The following SPEG variants were observed in gnomAD, a reference collection of about 807,000 sequenced individuals.
The protein encoded by SPEG is striated muscle enriched protein kinase, also known as striated muscle preferentially expressed protein kinase.
In SPEG, 114 loss-of-function variants were observed where a neutral mutation model predicts 300.4. That is an observed-to-expected ratio of 0.38 (90% CI 0.33 to 0.44). The LOEUF (loss-of-function observed/expected upper bound fraction) is 0.44, where lower values mean the gene tolerates loss of function less well. Ranked by LOEUF, SPEG falls within the 20% of genes least tolerant of loss-of-function variation. The probability of loss-of-function intolerance (pLI) is 1.00; values close to 1 mark genes in which losing one functional copy is unlikely to be tolerated. For missense variants in SPEG, 4,201 were observed against 4,586.2 expected (o/e 0.92, Z 2.43); for synonymous variants, 1,964 against 2,018.9 (o/e 0.97, Z 0.73).
Position 219,472,227 on chromosome 2 carries a change from A to T in SPEG, c.3836A>T (p.Asp1279Val), listed in dbSNP as rs1208864483. The T allele has an allele frequency of 2.5e-6, 4 of 1,613,350 alleles. No individual in the cohort carries two copies. Among genetic ancestry groups the T allele is most frequent in the Non-Finnish European group, 2.5e-6 (3 of 1,179,876 alleles). ...AACYAHLYVT[D>V]VVPGPPDGAP... ...CAGACATTCGAACTGCGGCTTTCAG[A>T]TGTGGTCCCAGGCCCTCCAGATGGC... Residue 1279 changes from aspartate to valine, a missense_variant and splice_region_variant, in exon 15 of 41, where the codon GAT becomes GTT. Asp to Val is a radical substitution (Grantham distance 152, BLOSUM62 -3). Coordinates refer to ENST00000312358, the MANE Select transcript of SPEG (RefSeq NM_005876.5).
Position 219,483,876 on chromosome 2 carries a change from C to T in SPEG, c.6413C>T (p.Pro2138Leu), listed in dbSNP as rs774848229. Residue 2138 changes from proline (P) to leucine (L), a missense_variant, in exon 30 of 41, where the codon CCC becomes CTC. Pro to Leu is a moderately conservative substitution (Grantham distance 98, BLOSUM62 -3). This residue lies in a region of SPEG where 1,578 missense variants were observed against 1,506.0 expected (regional missense o/e 1.05). Coordinates refer to ENST00000312358, the MANE Select transcript of SPEG (RefSeq NM_005876.5). ...AGCTTCTCCCAGGGTGAGGCGGAGC[C>T]CCGGGGCCGGCACCGCCGAGCGGGG... is the stretch of plus-strand genomic sequence containing the variant. ...SSSFSQGEAE[P>L]RGRHRRAGAP... is the part of the protein sequence containing the mutation. The T allele has an allele frequency of 2.5e-6, 4 of 1,597,480 alleles. No individual in the cohort carries two copies. The Admixed American group carries it at 5.1e-5, about 20-fold the overall frequency.
rs752399306 is a variant in SPEG at position 219,458,904 on chromosome 2, A to C, written c.2441-2978A>C. On this transcript the variant is annotated intron_variant, in intron 6 of 40. Coordinates refer to ENST00000312358, the MANE Select transcript of SPEG (RefSeq NM_005876.5). This position sits in a 1 kb window ranked among gnomAD's most constrained non-coding sequence, Gnocchi z 4.2. ...TCCTGATGTGAGTAGGTCAAGTAAC[A>C]TTCTGAGAAGCCCTGAAGCAAAGGG... Among the ~76,000 whole-genome samples, 1 of 152,232 alleles carries C rather than the reference A, an allele frequency of 6.6e-6. No individual in the cohort carries two copies. Among genetic ancestry groups the C allele is most frequent in the Non-Finnish European group, 1.5e-5 (1 of 68,044 alleles).
chr2:219,475,208 G>A (rs578247075), intron 18 of SPEG, among the ~76,000 whole-genome samples: 17 of 152,146 alleles, frequency 1.1e-4, no homozygotes, highest in Admixed American at 2.6e-4. Context: ...ATATGTAACC[G>A]CCACTCAGAA....
chr2:219,435,021 G>A lies in SPEG; in HGVS notation c.44G>A (p.Arg15Lys). The A allele has an allele frequency of 1.3e-6, 2 of 1,503,400 alleles. No individual in the cohort carries two copies. Among genetic ancestry groups the A allele is most frequent in the South Asian group, 1.2e-5 (1 of 81,774 alleles). The allele number at this position is 1,503,400 out of a possible 1,614,324, so 93.1% of individuals were successfully genotyped here. Reference sequence around the variant, plus strand: ...ACGCGAGGCGAGGATGCGGGCACGAGGGCACCCCCCAGCCCCGGAGTGCCC... The same window carrying A: ...ACGCGAGGCGAGGATGCGGGCACGAAGGCACCCCCCAGCCCCGGAGTGCCC... The part of the protein sequence containing the change: ...RGTRGEDAGT[R>K]APPSPGVPPK... Residue 15 changes from arginine (R) to lysine (K), a missense_variant, in exon 1 of 41, where the codon AGG (arginine) becomes AAG (lysine). Arg to Lys is a conservative substitution (Grantham distance 26, BLOSUM62 2). This residue lies in a region of SPEG where 1,258 missense variants were observed against 1,293.9 expected (regional missense o/e 0.97). Coordinates refer to ENST00000312358, the MANE Select transcript of SPEG (RefSeq NM_005876.5).
chr2:219,458,027 G>C lies in SPEG; in HGVS notation c.2441-3855G>C, dbSNP rs182621713. ...CTCATACTTCCTGCTTGCTCTTGTA[G>C]TCACTTGTGTATCTGGTTTGTCTTC... On this transcript the variant is annotated intron_variant, in intron 6 of 40. Coordinates refer to ENST00000312358, the MANE Select transcript of SPEG (RefSeq NM_005876.5). The surrounding 1 kb of genome is among the most constrained non-coding windows in gnomAD (Gnocchi z 4.2). Among the ~76,000 whole-genome samples the C allele has an allele frequency of 6.6e-6, 1 of 152,166 alleles. No homozygotes were observed. Among genetic ancestry groups the C allele is most frequent in the Non-Finnish European group, 1.5e-5 (1 of 68,024 alleles).
chr2:219,480,283 C>T lies in SPEG; in HGVS notation c.5342+143C>T. On this transcript the variant is annotated intron_variant, in intron 25 of 40. Transcript: ENST00000312358. The surrounding 1 kb of genome is among the most constrained non-coding windows in gnomAD (Gnocchi z 5.3). ...AGGCATTGTTTGCAGGGTCTCCTGC[C>T]CATGTTACTCCTTGCCCCTTGTGAG... is the stretch of plus-strand genomic sequence containing the variant. 1 of 867,204 alleles carries T rather than the reference C, an allele frequency of 1.2e-6. No individual in the cohort carries two copies. Among genetic ancestry groups the T allele is most frequent in the African/African-American group, 1.7e-5 (1 of 59,354 alleles). The allele number at this position is 867,204 out of a possible 1,614,324, so 53.7% of individuals were successfully genotyped here.
In SPEG at chr2:219,444,280, C is replaced by A. The variant is rs916149146; in HGVS notation, c.389-373C>A. 7.9e-5 allele frequency among the ~76,000 whole-genome samples: 12 copies of A among 152,258 alleles called. No individual in the cohort carries two copies. In the East Asian group the frequency reaches 1.9e-3, roughly 25 times the overall value. The stretch of plus-strand genomic sequence containing the variant: ...AACCCAGACTTTAGAGCCTTGGAAC[C>A]TAGGACCTGATGATTTTGGGGCTGC... On this transcript the variant is annotated intron_variant, in intron 1 of 40. Coordinates refer to ENST00000312358, the MANE Select transcript of SPEG (RefSeq NM_005876.5). The surrounding 1 kb of genome is among the most constrained non-coding windows in gnomAD (Gnocchi z 7.8).
intron 18 of SPEG, among the ~76,000 whole-genome samples, chr2:219,475,971 C>T (rs1692303113): frequency 1.3e-5 from 2 of 152,116 alleles, no homozygotes; most frequent in Admixed American, 6.5e-5. Context: ...CCCTGCCTTC[C>T]CAAGTGCCTG....
In SPEG at chr2:219,459,046, G is replaced by T. The variant is rs1690422778; in HGVS notation, c.2441-2836G>T. 6.6e-6 allele frequency among the ~76,000 whole-genome samples: 1 copy of T among 152,206 alleles called. No individual in the cohort carries two copies. Among genetic ancestry groups the T allele is most frequent in the African/African-American group, 2.4e-5 (1 of 41,450 alleles). On this transcript the variant is annotated intron_variant, in intron 6 of 40. Coordinates refer to ENST00000312358, the MANE Select transcript of SPEG (RefSeq NM_005876.5). This position sits in a 1 kb window ranked among gnomAD's most constrained non-coding sequence, Gnocchi z 4.9. ...TTGGGGTCGGTGGATGTGCTGGTCT[G>T]AGGAGAGGGAGTTCCCTGTGTGCTT...
Position 219,477,717 on chromosome 2 carries a change from C to T in SPEG, c.4758C>T (p.Val1586=), listed in dbSNP as rs771970554. 5 of 1,603,298 alleles carry T rather than the reference C, an allele frequency of 3.1e-6. No individual in the cohort carries two copies. Among genetic ancestry groups the T allele is most frequent in the African/African-American group, 1.3e-5 (1 of 74,686 alleles). Residue 1586 remains valine, a synonymous_variant, in exon 21 of 41, where the codon GTC becomes GTT. Coordinates refer to ENST00000312358, the MANE Select transcript of SPEG (RefSeq NM_005876.5). The surrounding 1 kb of genome is among the most constrained non-coding windows in gnomAD (Gnocchi z 6.4). ...SAQTAMEVEG[V]GEDEDHRGRR... Reference sequence around the variant, plus strand: ...AGACAGCTATGGAGGTCGAGGGGGTCGGGGAGGATGAGGACCATCGAGGAA... The same window carrying T: ...AGACAGCTATGGAGGTCGAGGGGGTTGGGGAGGATGAGGACCATCGAGGAA...
At chr2:219,485,678 C>T (rs1693347869) in intron 31 of SPEG, among the ~76,000 whole-genome samples, 1 of 152,202 alleles carries the variant, frequency 6.6e-6, no homozygotes, top group Non-Finnish European at 1.5e-5. Context: ...ACAAGCACTG[C>T]CTCATTCAAT....
intron 18 of SPEG, 36 bp from the exon 19 acceptor site, chr2:219,476,834 C>A (rs896741527): frequency 7.1e-6 from 11 of 1,548,024 alleles, no homozygotes; most frequent in Non-Finnish European, 8.9e-6. Context: ...AGCCCCTAGC[C>A]CCTTCTCTTC....
rs750554809 is a variant in SPEG, at chr2:219,485,373, G to T, written c.7637G>T (p.Arg2546Leu). The T allele has an allele frequency of 1.7e-5, 27 of 1,607,128 alleles. 1 individual carries two copies. The South Asian group carries it at 2.0e-4, about 12-fold the overall frequency. ...CCAGGGGAAAGCCGAAGCCGGCTCC[G>T]CTGGGGCTTCTCTCGGCCGCGGAAG... ...SAPGESRSRL[R>L]WGFSRPRKDK... The change falls in exon 31 of 41, where the codon CGC becomes CTC. Residue 2546 changes from arginine to leucine, a missense_variant. Transcript: ENST00000312358.
intron 10 of SPEG, among the ~76,000 whole-genome samples, chr2:219,467,942 T>C (rs1367634948): frequency 2.5e-4 from 38 of 152,230 alleles, no homozygotes; most frequent in Admixed American, 2.5e-3. Context: ...ATGCCAGCCA[T>C]TGTTACCACT....
At position 219,439,572 on chromosome 2, in the gene SPEG, C is replaced by T. The variant is rs923296712; in HGVS notation, c.388+4207C>T. On this transcript the variant is annotated intron_variant, in intron 1 of 40. Coordinates refer to ENST00000312358, the MANE Select transcript of SPEG (RefSeq NM_005876.5). This position sits in a 1 kb window ranked among gnomAD's most constrained non-coding sequence, Gnocchi z 4.5. ...TGGTTGGAGGGAAATGCTGGCAGTGCAGAAATTGGAAGTCTGGGTTTGGGG... is the reference window on the plus strand; with the variant it reads ...TGGTTGGAGGGAAATGCTGGCAGTGTAGAAATTGGAAGTCTGGGTTTGGGG... 1.3e-5 allele frequency among the ~76,000 whole-genome samples: 2 copies of T among 152,042 alleles called. No homozygotes were observed. The highest frequency in any genetic ancestry group is 4.8e-5 in the African/African-American group (2 of 41,376).
At chr2:219,465,074 G>A (rs2125432374) in intron 9 of SPEG, 1 of 158,918 alleles carries the variant, frequency 6.3e-6, no homozygotes, top group Admixed American at 6.1e-5. Context: ...CCCGTTCGGA[G>A]GGGCCCTTGG....
At chr2:219,449,749 T>A (rs1313976334) in intron 4 of SPEG, among the ~76,000 whole-genome samples, 1 of 152,168 alleles carries the variant, frequency 6.6e-6, no homozygotes, top group Non-Finnish European at 1.5e-5. Context: ...AACTCTTTAC[T>A]CTGCCTCTCC....
chr2:219,448,150 CCCCCACGTCGCCCCACCGTCGCACT>C lies in SPEG; in HGVS notation c.994_1018del (p.Pro332ArgfsTer38), dbSNP rs1236468393. The C allele has an allele frequency of 6.2e-7, 1 of 1,609,310 alleles. No homozygotes were observed. The highest frequency in any genetic ancestry group is 1.7e-5 in the Admixed American group (1 of 59,720). ...GGACCCCCGGCCCAGCCCGCGGCCACCCCCACGTCGCCCCACCGTCGCACTCAGGAGCCTGTGCTGCCCGAGGACA... is the reference window on the plus strand; with the variant it reads ...GGACCCCCGGCCCAGCCCGCGGCCACCAGGAGCCTGTGCTGCCCGAGGACA... On this transcript the variant is annotated frameshift_variant, in exon 4 of 41. Transcript: ENST00000312358. LOFTEE classifies it high-confidence loss of function.
Position 219,490,764 on chromosome 2 carries a change from T to C in SPEG, c.9193T>C (p.Tyr3065His), listed in dbSNP as rs1439041730. ...FRYSEDDVAT[Y>H]MVQLLQGLDY... ...GTATTCTGAGGATGACGTGGCCACT[T>C]ACATGGTGCAGCTGCTACAAGGCCT... The change falls in exon 38 of 41, where the codon TAC (tyrosine) becomes CAC (histidine). Residue 3065 changes from tyrosine to histidine, a missense_variant. Around this residue, in one of 4 missense-constraint regions of SPEG, gnomAD observed 318 missense variants for 429.5 expected, o/e 0.74. Transcript: ENST00000312358. The C allele has an allele frequency of 1.2e-6, 2 of 1,613,922 alleles. No individual in the cohort carries two copies. Among genetic ancestry groups the C allele is most frequent in the Admixed American group, 1.7e-5 (1 of 60,004 alleles).
Sources: allele counts gnomAD v4.1 joint callset (sites outside exome capture counted in the v4.1 genomes callset), GRCh38; gene constraint gnomAD v4.1.1; regional missense constraint gnomAD v4.1.1; non-coding constraint Gnocchi (gnomAD v3.1); transcripts MANE v1.5; gene names NCBI Gene and HGNC (gene_info 2026-07-23, HGNC 2026-07-21).